Variants in ACOT7 observed in about 807,000 individuals in gnomAD.
The protein encoded by ACOT7 is acyl-CoA thioesterase 7, also known as cytosolic acyl coenzyme A thioester hydrolase.
Under a neutral mutation model 40.2 loss-of-function variants are expected in ACOT7, and 12 were observed. The observed-to-expected ratio is 0.30, with a 90% CI of 0.19 to 0.48. The LOEUF (loss-of-function observed/expected upper bound fraction) is 0.48, where lower values mean the gene tolerates loss of function less well. Ranked by LOEUF, ACOT7 falls within the 20% of genes least tolerant of loss-of-function variation. ACOT7 has a pLI of 0.99. For missense variants in ACOT7, 395 were observed against 530.8 expected (o/e 0.74, Z 2.51); for synonymous variants, 228 against 219.5 (o/e 1.04, Z -0.34).
At chr1:6,369,338 AT>A (rs1238830410) in intron 1 of ACOT7, among the ~76,000 whole-genome samples, 1 of 151,046 alleles carries the variant, frequency 6.6e-6, no homozygotes, top group East Asian at 1.9e-4. Context: ...AAATTTTTCA[AT>A]TTACATTGCC....
rs961286779 is a variant in ACOT7, at chr1:6,330,576, C to A, written c.510+2901G>T. ...GTATTTATGTCTCATCAAACCCACT[C>A]TACAAAGGAAATGAAAAAGCAACTG... On this transcript the variant is annotated intron_variant, in intron 4 of 8. Transcript: ENST00000361521. The surrounding 1 kb of genome is among the most constrained non-coding windows in gnomAD (Gnocchi z 4.6). 2.0e-4 allele frequency among the ~76,000 whole-genome samples: 30 copies of A among 152,156 alleles called. No homozygotes were observed. Among genetic ancestry groups the A allele is most frequent in the African/African-American group, 7.0e-4 (29 of 41,426 alleles).
intron 7 of ACOT7, among the ~76,000 whole-genome samples, chr1:6,292,996 T>TCTCCTAC (rs904404984): frequency 2.3e-4 from 35 of 151,640 alleles, no homozygotes; most frequent in African/African-American, 8.0e-4. Context: ...TTCACGCCAT[T>TCTCCTAC]CTCCTACCTC....
rs2148434865 is a variant in ACOT7, at chr1:6,330,537, A to C, written c.510+2940T>G. ...ATGGAATGGTTTCAACAACTCCTCG[A>C]CAAGGCCAAGTTGGTATTTATGTCT... On this transcript the variant is annotated intron_variant, in intron 4 of 8. Coordinates refer to ENST00000361521, the MANE Select transcript of ACOT7 (RefSeq NM_007274.4). The surrounding 1 kb of genome is among the most constrained non-coding windows in gnomAD (Gnocchi z 4.6). Among the ~76,000 whole-genome samples, 1 of 152,294 alleles carries C rather than the reference A, an allele frequency of 6.6e-6. No individual in the cohort carries two copies. The highest frequency in any genetic ancestry group is 3.4e-3 in the Middle Eastern group (1 of 294).
chr1:6,297,909 TC>T, intron 6 of ACOT7, among the ~76,000 whole-genome samples: 1 of 152,256 alleles, frequency 6.6e-6, no homozygotes, highest in African/African-American at 2.4e-5. Flanking sequence ...ATCTGAGCAT[TC>T]CCAGAATAAA....
intron 1 of ACOT7, among the ~76,000 whole-genome samples, chr1:6,377,290 C>T (rs1269763277): frequency 6.6e-6 from 1 of 151,970 alleles, no homozygotes; most frequent in Non-Finnish European, 1.5e-5. Flanking sequence ...AATCCTAGCA[C>T]TTTGGGAGGC....
At chr1:6,392,289 C>G (rs1270864082) in intron 1 of ACOT7, among the ~76,000 whole-genome samples, 1 of 152,214 alleles carries the variant, frequency 6.6e-6, no homozygotes, top group Non-Finnish European at 1.5e-5. Context: ...AGCTCTCACT[C>G]CTGGTAGTTC....
Position 6,306,978 on chromosome 1 carries a change from G to T in ACOT7, c.712+11514C>A. On this transcript the variant is annotated intron_variant, in intron 6 of 8. Transcript: ENST00000361521. This position sits in a 1 kb window ranked among gnomAD's most constrained non-coding sequence, Gnocchi z 4.3. ...AGGCCTCACTTGCGTCCCCTCCCAT[G>T]TTTTCTCTGCCTTCCCTTTCCTCTG... 2 of 1,225,186 alleles carry T rather than the reference G, an allele frequency of 1.6e-6. No homozygotes were observed. The highest frequency in any genetic ancestry group is 1.3e-5 in the South Asian group (1 of 79,050). 75.9% of individuals were successfully genotyped at this position (1,225,186 alleles called of 1,614,324 possible).
At chr1:6,313,965 G>A (rs1436817942) in intron 6 of ACOT7, among the ~76,000 whole-genome samples, 1 of 152,202 alleles carries the variant, frequency 6.6e-6, no homozygotes, top group Non-Finnish European at 1.5e-5. Flanking sequence ...GAAGATCCAT[G>A]AATCCTGGCA....
In ACOT7 at chr1:6,334,208, C is replaced by T. The variant is rs1226386433; in HGVS notation, c.419-640G>A. 5.3e-5 allele frequency among the ~76,000 whole-genome samples: 8 copies of T among 152,360 alleles called. No homozygotes were observed. In the East Asian group the frequency reaches 1.2e-3, roughly 22 times the overall value. The stretch of plus-strand genomic sequence containing the variant: ...GCCCGCTTCACCTGCTGGCTCAAGT[C>T]TCCAGCAACTGATCGCTGCTGACAT... On this transcript the variant is annotated intron_variant, in intron 3 of 8. Transcript: ENST00000361521.
At chr1:6,345,255 A>G (rs900483829) in intron 2 of ACOT7, among the ~76,000 whole-genome samples, 3 of 152,244 alleles carry the variant, frequency 2.0e-5, no homozygotes, top group Non-Finnish European at 2.9e-5. Flanking sequence ...TCTCAAAAGC[A>G]ACTGGTATCA....
rs982731667 is a variant in ACOT7 at position 6,352,669 on chromosome 1, G to A, written c.144-2803C>T. Among the ~76,000 whole-genome samples, 1 of 150,728 alleles carries A rather than the reference G, an allele frequency of 6.6e-6. No homozygotes were observed. Among genetic ancestry groups the A allele is most frequent in the African/African-American group, 2.5e-5 (1 of 40,790 alleles). On this transcript the variant is annotated intron_variant, in intron 1 of 8. Transcript: ENST00000361521. This position sits in a 1 kb window ranked among gnomAD's most constrained non-coding sequence, Gnocchi z 4.5. ...TGCAGTGGCACGATCTTGGCTCACC[G>A]CAAGCTCCGCCTCCTGGGTTCTCCT...
chr1:6,307,233 C>A (rs1640181469), intron 6 of ACOT7, among the ~76,000 whole-genome samples: 2 of 152,248 alleles, frequency 1.3e-5, no homozygotes. Context: ...AGAGAGCGGT[C>A]ATTACGTGTT....
chr1:6,378,996 C>A (rs935872428), intron 1 of ACOT7, among the ~76,000 whole-genome samples: 1 of 151,754 alleles, frequency 6.6e-6, no homozygotes, highest in Non-Finnish European at 1.5e-5. Flanking sequence ...CCCGGGTTCA[C>A]ACCATTCTCC....
chr1:6,296,427 A>AT (rs5772228), intron 6 of ACOT7, among the ~76,000 whole-genome samples: 25,343 of 144,690 alleles, frequency 0.18, 2,574 homozygotes, highest in African/African-American at 0.29. Flanking sequence ...TCAATTTTTA[A>AT]TTTTTTTTTT....
chr1:6,326,251 G>T (rs551706302), intron 5 of ACOT7, among the ~76,000 whole-genome samples: 45 of 152,318 alleles, frequency 3.0e-4, no homozygotes, highest in Non-Finnish European at 5.9e-5. Context: ...GAGGGGTAAT[G>T]CTCGTTGCCT....
At chr1:6,298,720 A>G (rs1639881611) in intron 6 of ACOT7, among the ~76,000 whole-genome samples, 1 of 152,196 alleles carries the variant, frequency 6.6e-6, no homozygotes, top group African/African-American at 2.4e-5. Context: ...AGGTTGGCTA[A>G]GCCACCACCA....
intron 8 of ACOT7, among the ~76,000 whole-genome samples, chr1:6,272,844 C>T (rs147041563): frequency 2.6e-5 from 4 of 152,348 alleles, no homozygotes; most frequent in African/African-American, 7.2e-5. Context: ...TGGGTCTAGC[C>T]GGGATGCTCC....
At chr1:6,357,491 CCCTCA>C (rs1302770811) in intron 1 of ACOT7, among the ~76,000 whole-genome samples, 1 of 152,226 alleles carries the variant, frequency 6.6e-6, no homozygotes, top group Non-Finnish European at 1.5e-5. Context: ...GTGTGCTCCA[CCCTCA>C]CCTCAGCTGG....
chr1:6,356,475 C>T lies in ACOT7; in HGVS notation c.144-6609G>A, dbSNP rs541692014. On this transcript the variant is annotated intron_variant, in intron 1 of 8. Transcript: ENST00000361521. ...TCAGCACCCTCAGCCCAGCTCAGCA[C>T]CTGCCACCCACACCTGGCCAGCCCT... is the stretch of plus-strand genomic sequence containing the variant. 1.2e-4 allele frequency among the ~76,000 whole-genome samples: 19 copies of T among 152,276 alleles called. 1 individual carries two copies. In the East Asian group the frequency reaches 2.1e-3, roughly 17 times the overall value.
Sources: gnomAD v4.1 joint callset for allele counts (sites outside exome capture counted in the v4.1 genomes callset) on GRCh38, gnomAD v4.1.1 for gene constraint, Gnocchi (gnomAD v3.1) non-coding constraint, MANE v1.5 for transcripts, NCBI Gene and HGNC (gene_info 2026-07-23, HGNC 2026-07-21) for gene names.